ATE1: variants seen among roughly 807,000 people sequenced by gnomAD.
The protein encoded by ATE1 is arginyltransferase 1, also known as arginyl-tRNA--protein transferase 1.
A neutral mutation model predicts 70.5 loss-of-function variants in ATE1; 36 were observed. The observed-to-expected ratio is 0.51, with a 90% CI of 0.39 to 0.67. The LOEUF (loss-of-function observed/expected upper bound fraction) is 0.67. Ranked by LOEUF, ATE1 falls within the 30% of genes least tolerant of loss-of-function variation. The pLI is 0.00. For missense variants in ATE1, 593 were observed against 629.5 expected (o/e 0.94, Z 0.62); for synonymous variants, 232 against 219.3 (o/e 1.06, Z -0.51).
chr10:121,816,517 T>A (rs776217032), intron 10 of ATE1, among the ~76,000 whole-genome samples: 13 of 152,128 alleles, frequency 8.5e-5, no homozygotes, highest in Non-Finnish European at 1.6e-4. Flanking sequence ...CTGTGTTTGT[T>A]CCCTTTTTGT....
chr10:121,893,609 AAG>A (rs1401652621), intron 7 of ATE1, among the ~76,000 whole-genome samples: 46 of 152,170 alleles, frequency 3.0e-4, no homozygotes, highest in Non-Finnish European at 2.4e-4. Context: ...AAAAAAGGGA[AAG>A]AGGGACTAAA....
chr10:121,856,233 A>C (rs1482170201), intron 8 of ATE1, among the ~76,000 whole-genome samples: 1 of 152,118 alleles, frequency 6.6e-6, no homozygotes, highest in Non-Finnish European at 1.5e-5. Context: ...TTTTAAAAAT[A>C]ATACAGGCAT....
chr10:121,846,036 G>A (rs1375220810), intron 8 of ATE1, among the ~76,000 whole-genome samples: 2 of 151,262 alleles, frequency 1.3e-5, no homozygotes, highest in Admixed American at 6.6e-5. Flanking sequence ...AAGAAACCAG[G>A]GCCCCCAAGG....
chr10:121,813,286 A>T (rs1947399990), intron 10 of ATE1, among the ~76,000 whole-genome samples: 1 of 152,206 alleles, frequency 6.6e-6, no homozygotes, highest in Admixed American at 6.5e-5. Context: ...TTCTGATCTC[A>T]TCAATTCCTG....
At chr10:121,908,878 A>C (rs912442930) in intron 5 of ATE1, among the ~76,000 whole-genome samples, 18 of 152,242 alleles carry the variant, frequency 1.2e-4, no homozygotes, top group Non-Finnish European at 2.4e-4. Flanking sequence ...CGGGCAGAGG[A>C]ACATGTTAAA....
At chr10:121,762,721 C>T (rs1945103857) in intron 11 of ATE1, among the ~76,000 whole-genome samples, 2 of 152,152 alleles carry the variant, frequency 1.3e-5, no homozygotes, top group African/African-American at 2.4e-5. Context: ...GGATAGGCTC[C>T]GGTCCCTTGA....
At chr10:121,899,806 T>A in intron 7 of ATE1, 60 bp downstream of exon 7, 1 of 1,553,896 alleles carries the variant, frequency 6.4e-7, no homozygotes, top group Non-Finnish European at 8.7e-7. Context: ...TTTCATTAAA[T>A]GATATTAAGT....
At chr10:121,891,325 G>A (rs1305207009) in intron 7 of ATE1, among the ~76,000 whole-genome samples, 1 of 152,122 alleles carries the variant, frequency 6.6e-6, no homozygotes, top group African/African-American at 2.4e-5. Context: ...CCTCCACCAG[G>A]TGGTGGCCAT....
At chr10:121,797,923 T>C (rs190015691) in intron 10 of ATE1, among the ~76,000 whole-genome samples, 215 of 152,344 alleles carry the variant, frequency 1.4e-3, no homozygotes, top group South Asian at 2.9e-3. Context: ...TTTATATCTA[T>C]AGAAAACTAC....
At chr10:121,921,696 C>T (rs374838362) in intron 3 of ATE1, among the ~76,000 whole-genome samples, 5 of 152,096 alleles carry the variant, frequency 3.3e-5, no homozygotes, top group African/African-American at 4.8e-5. Flanking sequence ...TGCTTGGCAA[C>T]GGTCATGTGC....
Position 121,926,918 on chromosome 10 carries a change from A to G in ATE1, c.106+926T>C, listed in dbSNP as rs942757837. On this transcript the variant is annotated intron_variant, in intron 1 of 11. Coordinates refer to ENST00000224652, the MANE Select transcript of ATE1 (RefSeq NM_001001976.3). Reference sequence around the variant, plus strand: ...CTGTCTACTCAAAACCGCTGCCCACAAGTAGCACTTAATAAACACTTTTAA... The same window carrying G: ...CTGTCTACTCAAAACCGCTGCCCACGAGTAGCACTTAATAAACACTTTTAA... 9 of 985,342 alleles carry G rather than the reference A, an allele frequency of 9.1e-6. No individual in the cohort carries two copies. In the African/African-American group the frequency reaches 1.6e-4, roughly 17 times the overall value. 61.0% of individuals were successfully genotyped at this position (985,342 alleles called of 1,614,324 possible). A position where few individuals can be genotyped will look rare whatever the true frequency, so the allele number is the denominator to read the frequency against.
chr10:121,791,260 A>C (rs1460181017), intron 10 of ATE1, among the ~76,000 whole-genome samples: 1 of 151,626 alleles, frequency 6.6e-6, no homozygotes, highest in African/African-American at 2.4e-5. Context: ...CGCCATGCTA[A>C]TGTTTGTATT....
At chr10:121,853,011 A>G (rs1264365648) in intron 8 of ATE1, among the ~76,000 whole-genome samples, 1 of 152,180 alleles carries the variant, frequency 6.6e-6, no homozygotes, top group African/African-American at 2.4e-5. Flanking sequence ...AGTAATTTTT[A>G]AATTCTTTTC....
chr10:121,781,021 T>C (rs1945965492), intron 11 of ATE1, among the ~76,000 whole-genome samples: 1 of 152,200 alleles, frequency 6.6e-6, no homozygotes, highest in African/African-American at 2.4e-5. Flanking sequence ...ATGTTTCTAT[T>C]TTTGGTTGGC....
intron 11 of ATE1, among the ~76,000 whole-genome samples, chr10:121,747,527 G>T (rs1219500): frequency 0.24 from 35,922 of 152,100 alleles, 4,983 homozygotes; most frequent in Non-Finnish European, 0.32. Flanking sequence ...GTTCTGGGTA[G>T]CCCTGACCCC....
chr10:121,816,795 T>C (rs1331015232), intron 10 of ATE1, among the ~76,000 whole-genome samples: 1 of 152,232 alleles, frequency 6.6e-6, no homozygotes, highest in East Asian at 1.9e-4. Flanking sequence ...AAACTATTTG[T>C]CTATAGCCAT....
intron 11 of ATE1, among the ~76,000 whole-genome samples, chr10:121,784,877 G>C (rs1003059793): frequency 9.2e-5 from 14 of 152,046 alleles, no homozygotes; most frequent in African/African-American, 3.1e-4. Flanking sequence ...AAAAAAAATC[G>C]TAATAATACA....
chr10:121,839,918 A>G (rs1225176088), intron 9 of ATE1, among the ~76,000 whole-genome samples: 1 of 152,218 alleles, frequency 6.6e-6, no homozygotes, highest in Non-Finnish European at 1.5e-5. Context: ...CTGGCAGTAC[A>G]TTTTACTGTG....
At chr10:121,915,358 C>A (rs562231561) in intron 3 of ATE1, among the ~76,000 whole-genome samples, 1 of 151,808 alleles carries the variant, frequency 6.6e-6, no homozygotes, top group East Asian at 1.9e-4. Flanking sequence ...AGATGAAAAA[C>A]TGAAGAGAAA....
Sources: allele counts gnomAD v4.1 joint callset (sites outside exome capture counted in the v4.1 genomes callset), GRCh38; gene constraint gnomAD v4.1.1; transcripts MANE v1.5; gene names NCBI Gene and HGNC (gene_info 2026-07-23, HGNC 2026-07-21).